PDE8B: variants seen among roughly 807,000 people sequenced by gnomAD.
The protein encoded by PDE8B is high affinity cAMP-specific and IBMX-insensitive 3',5'-cyclic phosphodiesterase 8B.
PDE8B carries 26 observed loss-of-function variants against 101.3 expected under a neutral mutation model. That is an observed-to-expected ratio of 0.26 (90% CI 0.19 to 0.36). PDE8B has a LOEUF of 0.36. Among genes scored for constraint, PDE8B ranks in the 10% least tolerant of loss-of-function variants. The pLI is 1.00. For missense variants in PDE8B, 810 were observed against 1,163.1 expected (o/e 0.70, Z 4.42); for synonymous variants, 424 against 429.3 (o/e 0.99, Z 0.15).
At chr5:77,229,748 C>T (rs1753167365) in intron 1 of PDE8B, among the ~76,000 whole-genome samples, 1 of 152,194 alleles carries the variant, frequency 6.6e-6, no homozygotes, top group Non-Finnish European at 1.5e-5. Context: ...ATGGTTCATT[C>T]TCATTGAAGT....
chr5:77,284,956 G>A (rs251414), intron 1 of PDE8B, among the ~76,000 whole-genome samples: 23,661 of 152,044 alleles, frequency 0.16, 2,164 homozygotes, highest in Non-Finnish European at 0.21. Context: ...TGCTCACTGG[G>A]CACATTCCTA....
At chr5:77,365,214 C>T (rs1783904732) in intron 10 of PDE8B, among the ~76,000 whole-genome samples, 1 of 152,152 alleles carries the variant, frequency 6.6e-6, no homozygotes. Context: ...ACAACAACAA[C>T]AAAAACAGAG....
chr5:77,262,633 G>A (rs1239940391), intron 1 of PDE8B, among the ~76,000 whole-genome samples: 2 of 152,152 alleles, frequency 1.3e-5, no homozygotes, highest in Admixed American at 6.5e-5. Flanking sequence ...CATTTGACTT[G>A]GCACCTTGAT....
At chr5:77,388,167 T>A (rs576687390) in intron 10 of PDE8B, among the ~76,000 whole-genome samples, 1 of 152,202 alleles carries the variant, frequency 6.6e-6, no homozygotes, top group African/African-American at 2.4e-5. Flanking sequence ...TTCTGGTTTT[T>A]GGAATTTTCA....
chr5:77,165,269 A>G, the PDE8B span: 1 of 152,222 alleles, frequency 6.6e-6, no homozygotes, highest in African/African-American at 2.4e-5. Flanking sequence ...TTTCAATATA[A>G]TTTATTTAAT....
At chr5:77,094,731 A>G in the PDE8B span, among the ~76,000 whole-genome samples, 1 of 152,208 alleles carries the variant, frequency 6.6e-6, no homozygotes, top group Non-Finnish European at 1.5e-5. Flanking sequence ...TGAGGACCTC[A>G]GGAAGCTTCC....
the PDE8B span, among the ~76,000 whole-genome samples, chr5:77,092,701 T>A: frequency 6.6e-6 from 1 of 152,194 alleles, no homozygotes; most frequent in South Asian, 2.1e-4. Flanking sequence ...GGCGGATTAC[T>A]TGAGCCCAGG....
intron 10 of PDE8B, chr5:77,358,499 G>A (rs990247069): frequency 5.0e-5 from 47 of 941,180 alleles, no homozygotes; most frequent in African/African-American, 7.1e-5. Flanking sequence ...ATGCCTCTTC[G>A]TACTTCCTCC....
intron 1 of PDE8B, chr5:77,291,567 A>G: frequency 1.3e-6 from 2 of 1,599,726 alleles, no homozygotes; most frequent in Non-Finnish European, 8.6e-7. Flanking sequence ...CAACTTTACC[A>G]AAGATCTGGG....
At chr5:77,273,350 A>T (rs1763163076) in intron 1 of PDE8B, among the ~76,000 whole-genome samples, 1 of 152,178 alleles carries the variant, frequency 6.6e-6, no homozygotes, top group African/African-American at 2.4e-5. Context: ...CTATTATATT[A>T]TTTTTCCTAT....
chr5:77,135,993 T>C, the PDE8B span, among the ~76,000 whole-genome samples: 4 of 152,172 alleles, frequency 2.6e-5, no homozygotes, highest in Non-Finnish European at 5.9e-5. Flanking sequence ...CTTCTAATTT[T>C]CCTATCTTTT....
chr5:77,363,816 C>T (rs924280659), intron 10 of PDE8B, among the ~76,000 whole-genome samples: 6 of 152,090 alleles, frequency 3.9e-5, no homozygotes, highest in Non-Finnish European at 7.4e-5. Flanking sequence ...TGGCTGGTCC[C>T]CTCAATGTGT....
chr5:77,215,761 G>A (rs1326728243), intron 1 of PDE8B, among the ~76,000 whole-genome samples: 1 of 152,164 alleles, frequency 6.6e-6, no homozygotes, highest in Non-Finnish European at 1.5e-5. Flanking sequence ...ATCAAAATAG[G>A]AAGGAGGGAG....
chr5:77,198,937 A>G, the PDE8B span, among the ~76,000 whole-genome samples: 2 of 152,130 alleles, frequency 1.3e-5, no homozygotes, highest in African/African-American at 2.4e-5. Context: ...TTGTTGCAGA[A>G]TTGTCTGTTT....
the PDE8B span, among the ~76,000 whole-genome samples, chr5:77,153,720 G>T: frequency 6.6e-6 from 1 of 151,884 alleles, no homozygotes. Context: ...GATTACAGGT[G>T]CCTGCCACCA....
Position 77,352,306 on chromosome 5 carries a change from C to T in PDE8B, c.1107-1040C>T, listed in dbSNP as rs980156891. On this transcript the variant is annotated intron_variant, in intron 9 of 21. Coordinates refer to ENST00000264917, the MANE Select transcript of PDE8B (RefSeq NM_003719.5). ...CATTGTTTTTATCCTCATCCTTATA[C>T]CATCTCCTCAGAAAATCAAAGCTAA... Among the ~76,000 whole-genome samples the T allele has an allele frequency of 2.0e-5, 3 of 152,200 alleles. No individual in the cohort carries two copies. In the South Asian group the frequency reaches 6.2e-4, roughly 32 times the overall value.
intron 10 of PDE8B, among the ~76,000 whole-genome samples, chr5:77,399,129 C>T (rs1305715005): frequency 6.6e-6 from 1 of 152,226 alleles, no homozygotes; most frequent in Non-Finnish European, 1.5e-5. Context: ...AGGACACTTG[C>T]AGAGAAAGGC....
At chr5:77,154,786 A>G in the PDE8B span, among the ~76,000 whole-genome samples, 1 of 152,208 alleles carries the variant, frequency 6.6e-6, no homozygotes, top group Non-Finnish European at 1.5e-5. Flanking sequence ...GAAAAGGGGA[A>G]AGTCCCAGTT....
intron 10 of PDE8B, among the ~76,000 whole-genome samples, chr5:77,378,742 C>T (rs1786853029): frequency 6.6e-6 from 1 of 152,196 alleles, no homozygotes; most frequent in Non-Finnish European, 1.5e-5. Flanking sequence ...GTCTCAGCCT[C>T]ACCTGAGAAC....
Sources: allele counts gnomAD v4.1 joint callset (sites outside exome capture counted in the v4.1 genomes callset), GRCh38; gene constraint gnomAD v4.1.1; transcripts MANE v1.5; gene names NCBI Gene and HGNC (gene_info 2026-07-23, HGNC 2026-07-21).